The following FAM117B variants were observed in gnomAD, a reference collection of about 807,000 sequenced individuals.
The protein encoded by FAM117B is family with sequence similarity 117 member B.
FAM117B carries 22 observed loss-of-function variants against 52.8 expected under a neutral mutation model. The ratio of observed to expected loss-of-function variants is 0.42; its 90% CI spans 0.30 to 0.59. FAM117B has a LOEUF of 0.59. FAM117B is among the 20% of genes least tolerant of loss of function. The pLI is 0.22. For synonymous variants in FAM117B, 309 were observed against 324.1 expected (o/e 0.95, Z 0.50); for missense variants, 678 against 802.6 (o/e 0.84, Z 1.88).
chr2:202,718,514 T>G (rs1171850207), intron 2 of FAM117B, among the ~76,000 whole-genome samples: 1 of 152,214 alleles, frequency 6.6e-6, no homozygotes, highest in South Asian at 2.1e-4. Context: ...TTGATTTTTT[T>G]GTTTATTGAA....
At chr2:202,727,620 T>G (rs1691266730) in intron 4 of FAM117B, among the ~76,000 whole-genome samples, 1 of 152,210 alleles carries the variant, frequency 6.6e-6, no homozygotes, top group African/African-American at 2.4e-5. Flanking sequence ...GGAGATTATT[T>G]AAAATATACA....
rs550652228 is a variant in FAM117B at position 202,715,830 on chromosome 2, G to A, written c.754-9087G>A. Among the ~76,000 whole-genome samples the A allele has an allele frequency of 9.2e-5, 14 of 152,348 alleles. No individual in the cohort carries two copies. The South Asian group carries it at 1.7e-3, about 18-fold the overall frequency. ...TGAATGAGACTCCGTCTGCAATCCCGGCACCTCGGGAGGCCGAGGCTGGCG... is the reference window on the plus strand; with the variant it reads ...TGAATGAGACTCCGTCTGCAATCCCAGCACCTCGGGAGGCCGAGGCTGGCG... On this transcript the variant is annotated intron_variant, in intron 2 of 7. Transcript: ENST00000392238.
intron 2 of FAM117B, among the ~76,000 whole-genome samples, chr2:202,714,503 A>G (rs1477814568): frequency 7.0e-6 from 1 of 141,924 alleles, no homozygotes; most frequent in Non-Finnish European, 1.5e-5. Flanking sequence ...GGGTGCATAT[A>G]TATTTACAGT....
chr2:202,759,225 T>C lies in FAM117B; in HGVS notation c.1331-8T>C. On this transcript the variant is annotated splice_region_variant and splice_polypyrimidine_tract_variant and intron_variant, in intron 6 of 7. Transcript: ENST00000392238. ...TTATGTAGTAATCTAATGTGTCATTTCTTGCAGAGAATGGGAACAATTCTC... is the reference window on the plus strand; with the variant it reads ...TTATGTAGTAATCTAATGTGTCATTCCTTGCAGAGAATGGGAACAATTCTC... The C allele has an allele frequency of 6.2e-7, 1 of 1,613,848 alleles. No homozygotes were observed.
intron 1 of FAM117B, among the ~76,000 whole-genome samples, chr2:202,656,613 C>G (rs1325294391): frequency 6.6e-6 from 1 of 152,048 alleles, no homozygotes; most frequent in African/African-American, 2.4e-5. Context: ...AGGTTTATGT[C>G]CCAGGATATG....
chr2:202,675,984 C>CAAAAA (rs778502048), intron 1 of FAM117B, among the ~76,000 whole-genome samples: 5 of 56,746 alleles, frequency 8.8e-5, no homozygotes, highest in South Asian at 7.2e-4. Context: ...GACACAGTCT[C>CAAAAA]AAAAAAAAAA....
Position 202,755,571 on chromosome 2 carries a change from A to G in FAM117B, c.994A>G (p.Ile332Val). 1 of 1,614,134 alleles carries G rather than the reference A, an allele frequency of 6.2e-7. No individual in the cohort carries two copies. Among genetic ancestry groups the G allele is most frequent in the South Asian group, 1.1e-5 (1 of 91,074 alleles). The part of the protein sequence containing the change: ...PVPKSALIPV[I>V]PITKSTGSRF... The stretch of plus-strand genomic sequence containing the variant: ...TCCAAAGAGTGCACTTATTCCTGTA[A>G]TTCCCATCACCAAATCAACAGGCTC... The change falls in exon 5 of 8, where the codon ATT becomes GTT. Residue 332 changes from isoleucine to valine, a missense_variant. Transcript: ENST00000392238.
chr2:202,703,112 C>A (rs984018372), intron 2 of FAM117B, among the ~76,000 whole-genome samples: 1 of 152,136 alleles, frequency 6.6e-6, no homozygotes, highest in Non-Finnish European at 1.5e-5. Flanking sequence ...GCAACCATTG[C>A]TAACTATTTC....
chr2:202,758,039 G>A (rs1172001702), intron 6 of FAM117B, among the ~76,000 whole-genome samples: 1 of 152,206 alleles, frequency 6.6e-6, no homozygotes, highest in Admixed American at 6.5e-5. Context: ...TTGCATCTAT[G>A]TCAGGACAGT....
intron 1 of FAM117B, among the ~76,000 whole-genome samples, chr2:202,675,445 CAAAAA>C (rs386392341): frequency 7.4e-5 from 5 of 67,790 alleles, no homozygotes; most frequent in African/African-American, 3.1e-4. Flanking sequence ...GACCTTATCT[CAAAAA>C]AAAAAAAAAA....
rs1692030432 is a variant in FAM117B, at chr2:202,769,037, G to A, written c.*3273G>A. ...TTTTGCCTCTTTGGTTACATGTGGT[G>A]AGCATGGATGTCAAGATTATTTTTC... On this transcript the variant is annotated 3_prime_UTR_variant, in exon 8 of 8. Transcript: ENST00000392238. The A allele has an allele frequency of 6.6e-6, 1 of 152,106 alleles. No individual in the cohort carries two copies. The highest frequency in any genetic ancestry group is 2.4e-5 in the African/African-American group (1 of 41,430). The allele number at this position is 152,106 out of a possible 1,614,324, so 9.4% of individuals were successfully genotyped here. A position where few individuals can be genotyped will look rare whatever the true frequency, so the allele number is the denominator to read the frequency against.
At chr2:202,645,836 C>T (rs1689854091) in intron 1 of FAM117B, among the ~76,000 whole-genome samples, 1 of 151,722 alleles carries the variant, frequency 6.6e-6, no homozygotes, top group Non-Finnish European at 1.5e-5. Context: ...GAACTCCTGA[C>T]CTCAGGTGAT....
intron 1 of FAM117B, among the ~76,000 whole-genome samples, chr2:202,658,411 C>T (rs928763690): frequency 6.6e-6 from 1 of 152,094 alleles, no homozygotes; most frequent in African/African-American, 2.4e-5. Context: ...TCAGGTGATC[C>T]TCTTGCCTCA....
intron 1 of FAM117B, among the ~76,000 whole-genome samples, chr2:202,691,685 G>C (rs1346066033): frequency 6.6e-6 from 1 of 150,760 alleles, no homozygotes; most frequent in African/African-American, 2.5e-5. Flanking sequence ...GTGTGTGTGT[G>C]TGTGTGTGTG....
chr2:202,695,905 C>G lies in FAM117B; in HGVS notation c.626C>G (p.Ser209Ter). 1.2e-6 allele frequency: 2 copies of G among 1,608,506 alleles called. No individual in the cohort carries two copies. Among genetic ancestry groups the G allele is most frequent in the Non-Finnish European group, 1.7e-6 (2 of 1,177,176 alleles). Residue 209 changes from serine (S) to a stop codon, truncating the protein, a stop_gained, in exon 2 of 8, where the codon TCA becomes TGA. Coordinates refer to ENST00000392238, the MANE Select transcript of FAM117B (RefSeq NM_173511.4). LOFTEE classifies it high-confidence loss of function. ...KAGDKTRQPSSSPSSIIRRTS... is the reference protein window; with the variant it reads ...KAGDKTRQPS ...GGTGACAAAACACGACAGCCTTCTT[C>G]AAGCCCCTCCAGTATTATCCGACGC... is the stretch of plus-strand genomic sequence containing the variant.
At chr2:202,669,007 A>C (rs759133097) in intron 1 of FAM117B, among the ~76,000 whole-genome samples, 18 of 152,202 alleles carry the variant, frequency 1.2e-4, no homozygotes, top group Non-Finnish European at 2.1e-4. Flanking sequence ...GATAATTTGA[A>C]AGAACACCAA....
rs149017603 is a variant in FAM117B, at chr2:202,756,234, T to C, written c.1104+553T>C. 3.2e-3 allele frequency among the ~76,000 whole-genome samples: 483 copies of C among 152,260 alleles called. 3 individuals are homozygous for C. The highest frequency in any genetic ancestry group is 0.011 in the African/African-American group (455 of 41,544). ...GAGTTCAAGACCCATCTGGCCAACATGGTGAAACCCCGTCTCTACTAAAAG... is the reference window on the plus strand; with the variant it reads ...GAGTTCAAGACCCATCTGGCCAACACGGTGAAACCCCGTCTCTACTAAAAG... On this transcript the variant is annotated intron_variant, in intron 5 of 7. Coordinates refer to ENST00000392238, the MANE Select transcript of FAM117B (RefSeq NM_173511.4).
intron 1 of FAM117B, among the ~76,000 whole-genome samples, chr2:202,637,873 CTTT>C (rs556979899): frequency 3.1e-5 from 4 of 130,712 alleles, no homozygotes; most frequent in African/African-American, 2.9e-5. Flanking sequence ...AGTTAGGTAA[CTTT>C]TTTTTTTTTT....
In FAM117B at chr2:202,635,383, A is replaced by G; in HGVS notation, c.196A>G (p.Asn66Asp). ...CGGCGGCGGCGGCGGCGGCAACAAC[A>G]ACGGTGGCTGCTGTGGTGGCGCCTC... ...RSGGGGGGNN[N>D]GGCCGGASGP... The change falls in exon 1 of 8, where the codon AAC becomes GAC. Residue 66 changes from asparagine (N) to aspartate (D), a missense_variant. Transcript: ENST00000392238. 2.2e-6 allele frequency: 3 copies of G among 1,356,060 alleles called. No homozygotes were observed. The South Asian group carries it at 5.4e-5, about 24-fold the overall frequency. The allele number at this position is 1,356,060 out of a possible 1,614,324, so 84.0% of individuals were successfully genotyped here.
Sources: allele counts gnomAD v4.1 joint callset (sites outside exome capture counted in the v4.1 genomes callset), GRCh38; gene constraint gnomAD v4.1.1; transcripts MANE v1.5; gene names NCBI Gene and HGNC (gene_info 2026-07-23, HGNC 2026-07-21).